Variants in TSC22D2 observed in about 807,000 individuals in gnomAD.
TSC22D2 encodes the protein TSC22 domain family protein 2.
A neutral mutation model predicts 50.1 loss-of-function variants in TSC22D2; 5 were observed. The observed-to-expected ratio is 0.10, with a 90% CI of 0.05 to 0.21. TSC22D2 has a LOEUF of 0.21. TSC22D2 is among the 10% of genes least tolerant of loss of function. TSC22D2 has a pLI of 1.00. For synonymous variants in TSC22D2, 501 were observed against 450.1 expected, an observed-to-expected ratio of 1.11 and a Z score of -1.43; for missense variants, 1,003 against 1,015.5, an observed-to-expected ratio of 0.99 and a Z score of 0.17.
intron 1 of TSC22D2, among the ~76,000 whole-genome samples, chr3:150,435,510 T>C (rs1720511310): frequency 6.6e-6 from 1 of 152,156 alleles, no homozygotes. Context: ...CAAGCATTGG[T>C]TTATCATGGC....
chr3:150,428,035 A>G (rs1314866144), intron 1 of TSC22D2, among the ~76,000 whole-genome samples: 1 of 152,052 alleles, frequency 6.6e-6, no homozygotes, highest in African/African-American at 2.4e-5. Flanking sequence ...CAAGTTTTCC[A>G]CTTTTGTAAG....
intron 1 of TSC22D2, among the ~76,000 whole-genome samples, chr3:150,429,715 C>T (rs186690645): frequency 6.6e-6 from 1 of 152,094 alleles, no homozygotes; most frequent in Non-Finnish European, 1.5e-5. Context: ...CTATGGTGTT[C>T]TGTAAAGCTA....
Position 150,464,125 on chromosome 3 carries a change from ATC to A in TSC22D2, c.*5494_*5495del, listed in dbSNP as rs1306299544. Reference sequence around the variant, plus strand: ...ACTTCTCCATAAAAAAGTTAAGTTCATCTCTCCATTCTTTTGCATGCCTACAA... The same window carrying A: ...ACTTCTCCATAAAAAAGTTAAGTTCATCTCCATTCTTTTGCATGCCTACAA... On this transcript the variant is annotated 3_prime_UTR_variant, in exon 3 of 3. Transcript: ENST00000688009. 2.0e-5 allele frequency: 3 copies of A among 152,316 alleles called. No homozygotes were observed. Among genetic ancestry groups the A allele is most frequent in the East Asian group, 1.9e-4 (1 of 5,188 alleles). The allele number at this position is 152,316 out of a possible 1,614,324, so 9.4% of individuals were successfully genotyped here. A position where few individuals can be genotyped will look rare whatever the true frequency, so the allele number is the denominator to read the frequency against.
At chr3:150,449,293 A>G (rs1209257054) in intron 1 of TSC22D2, among the ~76,000 whole-genome samples, 1 of 152,140 alleles carries the variant, frequency 6.6e-6, no homozygotes, top group African/African-American at 2.4e-5. Flanking sequence ...ACTGTAAAAG[A>G]TAACTCCTTC....
At chr3:150,453,631 C>T (rs1248581650) in intron 1 of TSC22D2, among the ~76,000 whole-genome samples, 1 of 152,160 alleles carries the variant, frequency 6.6e-6, no homozygotes, top group African/African-American at 2.4e-5. Context: ...CAAATATTTA[C>T]ATTTCTGACA....
chr3:150,410,310 G>T lies in TSC22D2; in HGVS notation c.960G>T (p.Gly320=). ...QPSQPQGAGP[G]GQTLPPTNVT... ...GCCAGCCCCAGGGAGCGGGGCCCGG[G>T]GGACAGACTCTGCCGCCGACGAATG... Residue 320 remains glycine (G), a synonymous_variant, in exon 1 of 3, where the codon GGG becomes GGT. Coordinates refer to ENST00000688009, the MANE Select transcript of TSC22D2 (RefSeq NM_001303264.2). 6.4e-7 allele frequency: 1 copy of T among 1,571,688 alleles called. No homozygotes were observed. Among genetic ancestry groups the T allele is most frequent in the Non-Finnish European group, 8.6e-7 (1 of 1,158,166 alleles).
At chr3:150,457,379 A>AG (rs574176404) in intron 2 of TSC22D2, among the ~76,000 whole-genome samples, 105 of 152,316 alleles carry the variant, frequency 6.9e-4, no homozygotes, top group African/African-American at 2.5e-3. Context: ...GCCATTGGTG[A>AG]GGGGGCATAC....
Position 150,463,959 on chromosome 3 carries a change from A to G in TSC22D2, c.*5323A>G, listed in dbSNP as rs1246099452. On this transcript the variant is annotated 3_prime_UTR_variant, in exon 3 of 3. Coordinates refer to ENST00000688009, the MANE Select transcript of TSC22D2 (RefSeq NM_001303264.2). The stretch of plus-strand genomic sequence containing the variant: ...GGGAATTTTCCCATTGTCTACTGTC[A>G]TGGGTCCATAGTATTTAAGTTTACA... 1 of 152,184 alleles carries G rather than the reference A, an allele frequency of 6.6e-6. No individual in the cohort carries two copies. Among genetic ancestry groups the G allele is most frequent in the Non-Finnish European group, 1.5e-5 (1 of 68,032 alleles). 9.4% of individuals were successfully genotyped at this position (152,184 alleles called of 1,614,324 possible).
chr3:150,429,078 T>C (rs761000078), intron 1 of TSC22D2, among the ~76,000 whole-genome samples: 32 of 152,192 alleles, frequency 2.1e-4, no homozygotes, highest in Non-Finnish European at 2.9e-4. Flanking sequence ...CAGTAAACCT[T>C]AAAGAGCTGT....
rs75231849 is a variant in TSC22D2, at chr3:150,434,152, GTT to G, written c.1958+22857_1958+22858del. On this transcript the variant is annotated intron_variant, in intron 1 of 2. Coordinates refer to ENST00000688009, the MANE Select transcript of TSC22D2 (RefSeq NM_001303264.2). The stretch of plus-strand genomic sequence containing the variant: ...GAGTCAAAAAATAGGAGGGTTTTTT[GTT>G]TTTTTTTTTTTTGGGACAGAGTCTT... 3.5e-4 allele frequency among the ~76,000 whole-genome samples: 48 copies of G among 135,450 alleles called. 1 individual carries two copies. The highest frequency in any genetic ancestry group is 2.3e-3 in the South Asian group (10 of 4,294). The allele number at this position is 135,450 out of a possible 152,430, so 88.9% of individuals were successfully genotyped here.
rs900159461 is a variant in TSC22D2, at chr3:150,456,039, G to A, written c.1959-1037G>A. ...ATTGCTAAGGTGATATTTGAACTTG[G>A]AATGTGCTTACAGGCTGGATAACTT... On this transcript the variant is annotated intron_variant, in intron 1 of 2. Coordinates refer to ENST00000688009, the MANE Select transcript of TSC22D2 (RefSeq NM_001303264.2). Among the ~76,000 whole-genome samples, 3 of 152,094 alleles carry A rather than the reference G, an allele frequency of 2.0e-5. No homozygotes were observed. In the East Asian group the frequency reaches 5.8e-4, roughly 29 times the overall value.
chr3:150,448,878 A>G (rs13091502), intron 1 of TSC22D2, among the ~76,000 whole-genome samples: 24,144 of 79,244 alleles, frequency 0.3, 2,181 homozygotes, highest in Non-Finnish European at 0.38. Flanking sequence ...TTAATCTTGT[A>G]TATATATATA....
chr3:150,456,249 G>A (rs571552949), intron 1 of TSC22D2, among the ~76,000 whole-genome samples: 4 of 150,726 alleles, frequency 2.7e-5, no homozygotes, highest in African/African-American at 7.3e-5. Flanking sequence ...TTGCAATGGC[G>A]TGATCTCGGC....
chr3:150,431,224 CAA>C (rs71138443), intron 1 of TSC22D2, among the ~76,000 whole-genome samples: 6 of 27,968 alleles, frequency 2.1e-4, no homozygotes, highest in South Asian at 2.0e-3. Flanking sequence ...GGCTCTGTCT[CAA>C]AAAAAAAAAA....
At chr3:150,443,363 G>T (rs773618411) in intron 1 of TSC22D2, among the ~76,000 whole-genome samples, 6 of 152,178 alleles carry the variant, frequency 3.9e-5, no homozygotes, top group Non-Finnish European at 8.8e-5. Flanking sequence ...TTTCATAGCT[G>T]CTATAATCAA....
intron 1 of TSC22D2, among the ~76,000 whole-genome samples, chr3:150,439,482 T>C (rs1720647343): frequency 6.6e-6 from 1 of 152,188 alleles, no homozygotes; most frequent in African/African-American, 2.4e-5. Flanking sequence ...TCCGTATACT[T>C]TTCTATTTTC....
chr3:150,440,397 A>G (rs1576552432), intron 1 of TSC22D2, among the ~76,000 whole-genome samples: 1 of 152,190 alleles, frequency 6.6e-6, no homozygotes, highest in African/African-American at 2.4e-5. Flanking sequence ...TAATTGCATT[A>G]AAAAATAAAT....
intron 1 of TSC22D2, among the ~76,000 whole-genome samples, chr3:150,454,260 A>G (rs1036137731): frequency 1.3e-5 from 2 of 152,180 alleles, no homozygotes; most frequent in African/African-American, 4.8e-5. Flanking sequence ...CAGCTGAGGG[A>G]GCAGTTTCTG....
chr3:150,410,287 C>A lies in TSC22D2; in HGVS notation c.937C>A (p.Gln313Lys). Reference protein sequence around the residue: ...QPMMAAAQPSQPQGAGPGGQT... With the variant: ...QPMMAAAQPSKPQGAGPGGQT... The stretch of plus-strand genomic sequence containing the variant: ...AATGATGGCAGCCGCGCAGCCCAGC[C>A]AGCCCCAGGGAGCGGGGCCCGGGGG... Residue 313 changes from glutamine to lysine, a missense_variant, in exon 1 of 3, where the codon CAG (glutamine) becomes AAG (lysine). Gln to Lys is a moderately conservative substitution (Grantham distance 53). Coordinates refer to ENST00000688009, the MANE Select transcript of TSC22D2 (RefSeq NM_001303264.2). 1 of 1,562,512 alleles carries A rather than the reference C, an allele frequency of 6.4e-7. No individual in the cohort carries two copies. The highest frequency in any genetic ancestry group is 8.7e-7 in the Non-Finnish European group (1 of 1,154,374).
Sources: gnomAD v4.1 joint callset for allele counts (sites outside exome capture counted in the v4.1 genomes callset) on GRCh38, gnomAD v4.1.1 for gene constraint, MANE v1.5 for transcripts, NCBI Gene and HGNC (gene_info 2026-07-23, HGNC 2026-07-21) for gene names.